The following GLYR1 variants were observed in gnomAD, a reference collection of about 807,000 sequenced individuals.
GLYR1 encodes the protein glyoxylate reductase 1 homolog.
GLYR1 carries 21 observed loss-of-function variants against 72.7 expected under a neutral mutation model. That is an observed-to-expected ratio of 0.29 (90% CI 0.20 to 0.42). The LOEUF (loss-of-function observed/expected upper bound fraction) is 0.42. Among genes scored for constraint, GLYR1 ranks in the 10% least tolerant of loss-of-function variants. The pLI is 1.00. For missense variants in GLYR1, 594 were observed against 712.1 expected, an observed-to-expected ratio of 0.83 and a Z score of 1.89; for synonymous variants, 392 against 270.2, an observed-to-expected ratio of 1.45 and a Z score of -4.42.
At chr16:4,833,705 G>A (rs868440125) in intron 3 of GLYR1, among the ~76,000 whole-genome samples, 1 of 151,700 alleles carries the variant, frequency 6.6e-6, no homozygotes, top group African/African-American at 2.4e-5. Context: ...ATACACCTCC[G>A]ATATGTAATT....
In GLYR1 at chr16:4,805,331, TCA is replaced by T. The variant is rs1343692998; in HGVS notation, c.1588-23_1588-22del. 3.1e-6 allele frequency: 5 copies of T among 1,604,658 alleles called. No individual in the cohort carries two copies. The African/African-American group carries it at 6.7e-5, about 21-fold the overall frequency. On this transcript the variant is annotated intron_variant, in intron 15 of 15. Coordinates refer to ENST00000321919, the MANE Select transcript of GLYR1 (RefSeq NM_032569.4). The stretch of plus-strand genomic sequence containing the variant: ...TACACCTGGAAAAAAAAGAGATGGC[TCA>T]GTCTCTGGCCCCAGAGCTGCCTTCA...
chr16:4,830,685 T>C (rs2084739710), intron 5 of GLYR1, among the ~76,000 whole-genome samples: 1 of 152,204 alleles, frequency 6.6e-6, no homozygotes, highest in African/African-American at 2.4e-5. Context: ...TTGACAATCC[T>C]ACCGCGTTCC....
chr16:4,811,322 AAAGCCAAG>A, intron 14 of GLYR1, 28 bp from the exon 15 acceptor site: 1 of 1,612,332 alleles, frequency 6.2e-7, no homozygotes, highest in South Asian at 1.1e-5. Context: ...GTATCAGACA[AAAGCCAAG>A]GACCTGAAAC....
At chr16:4,828,133 G>C (rs572635404) in intron 5 of GLYR1, among the ~76,000 whole-genome samples, 2 of 151,548 alleles carry the variant, frequency 1.3e-5, no homozygotes, top group Non-Finnish European at 2.9e-5. Context: ...GCAGTGGCGT[G>C]ATCTCGGCTC....
intron 5 of GLYR1, among the ~76,000 whole-genome samples, chr16:4,830,423 G>C (rs1228231695): frequency 6.6e-6 from 1 of 152,144 alleles, no homozygotes; most frequent in Non-Finnish European, 1.5e-5. Context: ...CCTGTGGACA[G>C]AGCATGACCT....
chr16:4,841,784 A>T (rs1378694763), intron 3 of GLYR1, among the ~76,000 whole-genome samples: 2 of 152,186 alleles, frequency 1.3e-5, no homozygotes, highest in Non-Finnish European at 2.9e-5. Context: ...TGGGCCAACC[A>T]TATTGCCTCT....
chr16:4,828,586 G>A (rs528537851), intron 5 of GLYR1, among the ~76,000 whole-genome samples: 1 of 152,112 alleles, frequency 6.6e-6, no homozygotes, highest in East Asian at 1.9e-4. Context: ...CTCGTGAGAC[G>A]AGTTCCTGTA....
In GLYR1 at chr16:4,813,165, G is replaced by A. The variant is rs190690673; in HGVS notation, c.1119+572C>T. Among the ~76,000 whole-genome samples the A allele has an allele frequency of 4.5e-3, 672 of 150,572 alleles. 5 individuals carry two copies. The highest frequency in any genetic ancestry group is 0.013 in the African/African-American group (514 of 41,044). On this transcript the variant is annotated intron_variant, in intron 12 of 15. Transcript: ENST00000321919. ...TTTTTAGTAGAGATGGGGTTTCACCGTGTTAGCCAGGATGGTCTCGATCTC... is the reference window on the plus strand; with the variant it reads ...TTTTTAGTAGAGATGGGGTTTCACCATGTTAGCCAGGATGGTCTCGATCTC...
intron 9 of GLYR1, 89 bp downstream of exon 9, chr16:4,821,291 A>G: frequency 7.6e-7 from 1 of 1,313,890 alleles, no homozygotes; most frequent in Non-Finnish European, 1.1e-6. Flanking sequence ...TGGCTGGGAC[A>G]CAACCCTTAA....
In GLYR1 at chr16:4,811,238, G is replaced by C; in HGVS notation, c.1519C>G (p.Leu507Val). The C allele has an allele frequency of 6.2e-7, 1 of 1,614,196 alleles. No individual in the cohort carries two copies. Among genetic ancestry groups the C allele is most frequent in the Non-Finnish European group, 8.5e-7 (1 of 1,180,036 alleles). ...TCACCCAGCGCAATGGCTAAGCGGA[G>C]ATCCTTCTGAATGTATTTCAGGTAG... ...DFYLKYIQKD[L>V]RLAIALGDAV... The change falls in exon 15 of 16, where the codon CTC becomes GTC. Residue 507 changes from leucine (L) to valine (V), a missense_variant. By Grantham distance (32) the Leu-to-Val change is conservative (BLOSUM62 1). Coordinates refer to ENST00000321919, the MANE Select transcript of GLYR1 (RefSeq NM_032569.4).
At chr16:4,814,395 C>A in intron 11 of GLYR1, 142 bp downstream of exon 11, 1 of 678,816 alleles carries the variant, frequency 1.5e-6, no homozygotes, top group Non-Finnish European at 2.7e-6. Flanking sequence ...AAACACCCTT[C>A]ACAATGGGAG....
At chr16:4,838,404 G>A (rs549078448) in intron 3 of GLYR1, among the ~76,000 whole-genome samples, 1 of 152,122 alleles carries the variant, frequency 6.6e-6, no homozygotes, top group Non-Finnish European at 1.5e-5. Flanking sequence ...TGCACTTCCT[G>A]AAAGGGCTGC....
At chr16:4,831,423 C>A (rs1284136049) in intron 5 of GLYR1, among the ~76,000 whole-genome samples, 2 of 152,190 alleles carry the variant, frequency 1.3e-5, no homozygotes, top group African/African-American at 2.4e-5. Flanking sequence ...CCTCCACGAT[C>A]CAGGGACAAG....
intron 9 of GLYR1, among the ~76,000 whole-genome samples, chr16:4,819,327 A>G (rs1380734420): frequency 6.6e-6 from 1 of 151,950 alleles, no homozygotes; most frequent in East Asian, 1.9e-4. Context: ...TTCTTTTTTT[A>G]GTGACAGCAT....
chr16:4,824,761 C>A (rs527676209), intron 5 of GLYR1, among the ~76,000 whole-genome samples: 2 of 152,102 alleles, frequency 1.3e-5, no homozygotes, highest in Admixed American at 6.5e-5. Flanking sequence ...GGCAAAGGGT[C>A]CTCTTTCCAG....
Position 4,814,532 on chromosome 16 carries a change from C to G in GLYR1, c.1017+5G>C, listed in dbSNP as rs2083507907. On this transcript the variant is annotated splice_donor_5th_base_variant and intron_variant, in intron 11 of 15. Transcript: ENST00000321919. ...AGTTGCTGAGGGGAGGGAGGGGGTC[C>G]TTACGTCCTTGGCCGCCTTGGGATC... is the stretch of plus-strand genomic sequence containing the variant. The G allele has an allele frequency of 6.2e-7, 1 of 1,611,948 alleles. No homozygotes were observed. The highest frequency in any genetic ancestry group is 1.7e-5 in the Admixed American group (1 of 59,976).
In GLYR1 at chr16:4,828,668, G is replaced by A. The variant is rs372529692; in HGVS notation, c.537+3311C>T. Among the ~76,000 whole-genome samples the A allele has an allele frequency of 4.6e-5, 7 of 151,992 alleles. No homozygotes were observed. The East Asian group carries it at 1.2e-3, about 25-fold the overall frequency. ...GTCTGCGAAACAAACCTAAAGAACT[G>A]ATCAAATGCCTTGTACACAGGCACT... On this transcript the variant is annotated intron_variant, in intron 5 of 15. Coordinates refer to ENST00000321919, the MANE Select transcript of GLYR1 (RefSeq NM_032569.4).
intron 10 of GLYR1, among the ~76,000 whole-genome samples, chr16:4,816,079 T>C (rs981807663): frequency 6.6e-6 from 1 of 152,206 alleles, no homozygotes; most frequent in Non-Finnish European, 1.5e-5. Context: ...TTGTTTGATA[T>C]ATTTTAATTA....
chr16:4,842,608 G>A (rs1298514243), intron 3 of GLYR1, among the ~76,000 whole-genome samples: 1 of 152,238 alleles, frequency 6.6e-6, no homozygotes, highest in African/African-American at 2.4e-5. Context: ...CAATCCTCCT[G>A]TCTTGGCCTC....
Sources: allele counts gnomAD v4.1 joint callset (sites outside exome capture counted in the v4.1 genomes callset), GRCh38; gene constraint gnomAD v4.1.1; transcripts MANE v1.5; gene names NCBI Gene and HGNC (gene_info 2026-07-23, HGNC 2026-07-21).